Variants in SCNN1B observed in about 807,000 individuals in gnomAD.
The protein encoded by SCNN1B is sodium channel epithelial 1 subunit beta.
Under a neutral mutation model 65.3 loss-of-function variants are expected in SCNN1B, and 46 were observed. The ratio of observed to expected loss-of-function variants is 0.70; its 90% CI spans 0.56 to 0.90. The LOEUF is 0.90. SCNN1B is among the 40% of genes least tolerant of loss of function. The pLI is 0.00. For synonymous variants in SCNN1B, 349 were observed against 330.6 expected, an observed-to-expected ratio of 1.06 and a Z score of -0.60; for missense variants, 751 against 830.5, an observed-to-expected ratio of 0.90 and a Z score of 1.18.
At chr16:23,367,756 G>A (rs540495028) in intron 4 of SCNN1B, 100 bp from the exon 5 acceptor site, 77 of 936,550 alleles carry the variant, frequency 8.2e-5, no homozygotes, top group Admixed American at 4.8e-4. Flanking sequence ...TCTCCCTTTC[G>A]GAGCCCCTCC....
intron 3 of SCNN1B, among the ~76,000 whole-genome samples, chr16:23,354,719 C>T (rs1020388328): frequency 4.0e-4 from 61 of 151,984 alleles, no homozygotes; most frequent in African/African-American, 1.4e-3. Flanking sequence ...TGTGTGCGTG[C>T]GTGTGTGTGT....
At chr16:23,362,972 G>A (rs1260163727) in intron 4 of SCNN1B, among the ~76,000 whole-genome samples, 1 of 152,080 alleles carries the variant, frequency 6.6e-6, no homozygotes, top group East Asian at 1.9e-4. Flanking sequence ...GTCCCTGCCT[G>A]GTGAGCCCTT....
In SCNN1B at chr16:23,348,661, C is replaced by T. The variant is rs747115590; in HGVS notation, c.62C>T (p.Thr21Met). 2.0e-5 allele frequency: 33 copies of T among 1,613,718 alleles called. No individual in the cohort carries two copies. The highest frequency in any genetic ancestry group is 2.6e-5 in the Non-Finnish European group (31 of 1,180,014). Residue 21 changes from threonine (T) to methionine (M), a missense_variant, in exon 2 of 13, where the codon ACG becomes ATG. Thr to Met is a moderately conservative substitution (Grantham distance 81). Coordinates refer to ENST00000343070, the MANE Select transcript of SCNN1B (RefSeq NM_000336.3). This position sits in a 1 kb window ranked among gnomAD's most constrained non-coding sequence, Gnocchi z 4.5. ...CGGCTGCAGAAGGGCCCCGGCTACA[C>T]GTACAAGGAGCTGCTGGTGTGGTAC... ...LHRLQKGPGYTYKELLVWYCD... is the reference protein window; with the variant it reads ...LHRLQKGPGYMYKELLVWYCD...
intron 1 of SCNN1B, among the ~76,000 whole-genome samples, chr16:23,343,609 AAG>A (rs1389736345): frequency 8.2e-6 from 1 of 121,436 alleles, no homozygotes. Context: ...GAAAGAAAGA[AAG>A]AAAGAAAGAA....
In SCNN1B at chr16:23,348,561, A is replaced by T; in HGVS notation, c.-8-31A>T. 1.2e-6 allele frequency: 2 copies of T among 1,609,488 alleles called. No individual in the cohort carries two copies. The highest frequency in any genetic ancestry group is 1.7e-6 in the Non-Finnish European group (2 of 1,178,238). ...TCCTCGCAGGCAAGGCTGGTGTCCCAGCTGATGTGCGTCCCCATGCCTCTC... is the reference window on the plus strand; with the variant it reads ...TCCTCGCAGGCAAGGCTGGTGTCCCTGCTGATGTGCGTCCCCATGCCTCTC... On this transcript the variant is annotated intron_variant, in intron 1 of 12. Coordinates refer to ENST00000343070, the MANE Select transcript of SCNN1B (RefSeq NM_000336.3). The surrounding 1 kb of genome is among the most constrained non-coding windows in gnomAD (Gnocchi z 4.5).
At chr16:23,304,929 C>T (rs1419196515) in intron 1 of SCNN1B, among the ~76,000 whole-genome samples, 1 of 152,146 alleles carries the variant, frequency 6.6e-6, no homozygotes, top group African/African-American at 2.4e-5. Context: ...CTTAGGGACT[C>T]ATCAGCATCA....
At chr16:23,316,194 TCATCAC>T (rs1283669786) in intron 1 of SCNN1B, among the ~76,000 whole-genome samples, 18 of 113,210 alleles carry the variant, frequency 1.6e-4, no homozygotes, top group Non-Finnish European at 3.0e-4. Flanking sequence ...ATCATCCCCA[TCATCAC>T]CATCACCATC....
intron 5 of SCNN1B, among the ~76,000 whole-genome samples, chr16:23,370,771 T>C (rs1962764870): frequency 6.6e-6 from 1 of 152,156 alleles, no homozygotes; most frequent in Non-Finnish European, 1.5e-5. Flanking sequence ...AGAGACAGCA[T>C]TCCAGAGCTA....
chr16:23,358,727 C>T (rs187110054), intron 4 of SCNN1B, among the ~76,000 whole-genome samples: 1 of 152,222 alleles, frequency 6.6e-6, no homozygotes, highest in Non-Finnish European at 1.5e-5. Flanking sequence ...GACAACAAGG[C>T]AAAACCCCAT....
chr16:23,359,361 A>G (rs551177262), intron 4 of SCNN1B: 9 of 152,394 alleles, frequency 5.9e-5, no homozygotes, highest in African/African-American at 1.7e-4. Context: ...AGAAAGGGTG[A>G]TCGTCATCTT....
At chr16:23,376,677 C>T (rs554728914) in intron 8 of SCNN1B, among the ~76,000 whole-genome samples, 26 of 146,190 alleles carry the variant, frequency 1.8e-4, no homozygotes, top group Admixed American at 7.7e-4. Context: ...TGGGAGGCCG[C>T]GGTGAGCAGA....
intron 8 of SCNN1B, among the ~76,000 whole-genome samples, chr16:23,376,552 G>A (rs746459409): frequency 6.6e-6 from 1 of 152,046 alleles, no homozygotes; most frequent in Non-Finnish European, 1.5e-5. Flanking sequence ...GAAGAGCCCT[G>A]CTGGGCTCAC....
At chr16:23,307,582 A>T (rs1467060475) in intron 1 of SCNN1B, among the ~76,000 whole-genome samples, 1 of 151,946 alleles carries the variant, frequency 6.6e-6, no homozygotes, top group Admixed American at 6.6e-5. Context: ...GGACTCCCAA[A>T]GTGCTGGGAT....
rs973304037 is a variant in SCNN1B at position 23,380,714 on chromosome 16, C to A, written c.1836C>A (p.Ile612=). Residue 612 remains isoleucine (I), a synonymous_variant, in exon 13 of 13, where the codon ATC becomes ATA. Coordinates refer to ENST00000343070, the MANE Select transcript of SCNN1B (RefSeq NM_000336.3). This position sits in a 1 kb window ranked among gnomAD's most constrained non-coding sequence, Gnocchi z 5.4. The part of the protein sequence containing the change: ...GPYPSEQALP[I]PGTPPPNYDS... The stretch of plus-strand genomic sequence containing the variant: ...ACCCCAGTGAGCAGGCCCTGCCCAT[C>A]CCAGGCACCCCGCCCCCCAACTATG... 2.5e-5 allele frequency: 40 copies of A among 1,612,252 alleles called. No homozygotes were observed. In the Admixed American group the frequency reaches 4.0e-4, roughly 16 times the overall value.
At chr16:23,375,957 A>AGATGTG in intron 8 of SCNN1B, 102 bp downstream of exon 8, 1 of 837,916 alleles carries the variant, frequency 1.2e-6, no homozygotes, top group Non-Finnish European at 2.0e-6. Flanking sequence ...CAGAGTCCAG[A>AGATGTG]GATGTGCCCA....
At chr16:23,353,209 A>C in intron 3 of SCNN1B, 135 bp downstream of exon 3, 1 of 1,100,732 alleles carries the variant, frequency 9.1e-7, no homozygotes. Context: ...GCTTGTTTGC[A>C]GAGATTTTTT....
intron 1 of SCNN1B, among the ~76,000 whole-genome samples, chr16:23,314,933 G>A (rs1014877547): frequency 6.6e-6 from 1 of 152,220 alleles, no homozygotes; most frequent in Non-Finnish European, 1.5e-5. Flanking sequence ...CCCAACTCTG[G>A]CACAAGGTGG....
chr16:23,362,032 T>A (rs551574482), intron 4 of SCNN1B, among the ~76,000 whole-genome samples: 1 of 152,064 alleles, frequency 6.6e-6, no homozygotes, highest in Admixed American at 6.6e-5. Context: ...GTTTTTTAAA[T>A]TGAAGAATGG....
chr16:23,351,380 C>G (rs1320675830), intron 2 of SCNN1B, among the ~76,000 whole-genome samples: 2 of 152,130 alleles, frequency 1.3e-5, no homozygotes, highest in Admixed American at 1.3e-4. Context: ...AAGTGGCATG[C>G]CAGGATTCAA....
Sources: gnomAD v4.1 joint callset for allele counts (sites outside exome capture counted in the v4.1 genomes callset) on GRCh38, gnomAD v4.1.1 for gene constraint, Gnocchi (gnomAD v3.1) non-coding constraint, MANE v1.5 for transcripts, NCBI Gene and HGNC (gene_info 2026-07-23, HGNC 2026-07-21) for gene names.